The following AFF2 variants were observed in gnomAD, a reference collection of about 807,000 sequenced individuals.
AFF2 encodes the protein AF4/FMR2 family member 2.
In AFF2, 14 loss-of-function variants were observed where a neutral mutation model predicts 76.9. The observed-to-expected ratio is 0.18, with a 90% CI of 0.12 to 0.28. AFF2 has a LOEUF of 0.28. Ranked by LOEUF, AFF2 falls within the 10% of genes least tolerant of loss-of-function variation. The probability of loss-of-function intolerance (pLI) is 1.00; values close to 1 mark genes in which losing one functional copy is unlikely to be tolerated. For synonymous variants in AFF2, 398 were observed against 366.7 expected, an observed-to-expected ratio of 1.09 and a Z score of -0.98; for missense variants, 868 against 1,001.1, an observed-to-expected ratio of 0.87 and a Z score of 1.79.
intron 1 of AFF2, among the ~76,000 whole-genome samples, chrX:148,516,593 C>G (rs782457450): frequency 2.8e-4 from 31 of 111,894 alleles, no homozygotes; most frequent in Non-Finnish European, 5.1e-4. Flanking sequence ...GAACACTTTC[C>G]ATACATAAAC....
At chrX:148,643,678 G>A (rs1195911499) in intron 1 of AFF2, among the ~76,000 whole-genome samples, 5 of 111,772 alleles carry the variant, frequency 4.5e-5, no homozygotes, top group Non-Finnish European at 9.4e-5. Context: ...GCATATGGAA[G>A]AGGACAAGGA....
intron 7 of AFF2, among the ~76,000 whole-genome samples, chrX:148,873,676 G>C (rs1224180316): frequency 4.5e-5 from 5 of 110,725 alleles, no homozygotes; most frequent in Non-Finnish European, 7.6e-5. Flanking sequence ...AGCGCACTTA[G>C]AGAAATGAAT....
At chrX:148,798,081 G>C (rs1048454717) in intron 3 of AFF2, among the ~76,000 whole-genome samples, 4 of 112,052 alleles carry the variant, frequency 3.6e-5, no homozygotes, top group African/African-American at 1.3e-4. Flanking sequence ...ATATCAAGAT[G>C]TCAGCATCTG....
chrX:148,504,774 A>C (rs1168019610), intron 1 of AFF2, among the ~76,000 whole-genome samples: 1 of 112,342 alleles, frequency 8.9e-6, no homozygotes, highest in Non-Finnish European at 1.9e-5. Context: ...TCTAGACAAA[A>C]GTGAACTGTT....
chrX:148,555,557 G>A (rs999150004), intron 1 of AFF2, among the ~76,000 whole-genome samples: 9 of 112,043 alleles, frequency 8.0e-5, no homozygotes. Flanking sequence ...TCTGCTTCCT[G>A]GTTTGAGCAT....
At chrX:148,801,263 T>C (rs782363567) in intron 3 of AFF2, among the ~76,000 whole-genome samples, 7 of 111,900 alleles carry the variant, frequency 6.3e-5, no homozygotes, top group Non-Finnish European at 1.3e-4. Context: ...TTCTTCCAAA[T>C]CATCAGAGCT....
In AFF2 at chrX:148,673,308, C is replaced by T. The variant is rs374900584; in HGVS notation, c.1041+10540C>T. On this transcript the variant is annotated intron_variant, in intron 3 of 20. Coordinates refer to ENST00000370460, the MANE Select transcript of AFF2 (RefSeq NM_002025.4). ...AAAACAAGAGATTTATTTGCTCACA[C>T]TTCTGGAGACCAGGAGTCCAAAAAG... Among the ~76,000 whole-genome samples, 12 of 112,207 alleles carry T rather than the reference C, an allele frequency of 1.1e-4. No individual in the cohort carries two copies. The East Asian group carries it at 3.1e-3, about 29-fold the overall frequency.
chrX:148,587,917 ATG>A (rs2053484265), intron 1 of AFF2, among the ~76,000 whole-genome samples: 1 of 112,528 alleles, frequency 8.9e-6, no homozygotes, highest in Non-Finnish European at 1.9e-5. Context: ...CCCGTAGTAG[ATG>A]TCACATGTAG....
At chrX:148,935,584 T>G (rs2071765399) in intron 9 of AFF2, among the ~76,000 whole-genome samples, 1 of 111,507 alleles carries the variant, frequency 9.0e-6, no homozygotes, top group Non-Finnish European at 1.9e-5. Flanking sequence ...TTCCTGAAGC[T>G]CTCAGCGGAC....
chrX:148,610,579 T>G (rs1431463902), intron 1 of AFF2, among the ~76,000 whole-genome samples: 7 of 111,949 alleles, frequency 6.3e-5, no homozygotes, highest in African/African-American at 2.3e-4. Flanking sequence ...GTTGTGTAGC[T>G]GCATCTTTTT....
chrX:148,567,976 C>G (rs1407813839), intron 1 of AFF2, among the ~76,000 whole-genome samples: 1 of 110,775 alleles, frequency 9.0e-6, no homozygotes, highest in Non-Finnish European at 1.9e-5. Context: ...GAGCTGGAGT[C>G]AGAGACCCAC....
At chrX:148,654,256 A>T (rs1557256754) in intron 2 of AFF2, among the ~76,000 whole-genome samples, 1 of 111,664 alleles carries the variant, frequency 9.0e-6, no homozygotes, top group Non-Finnish European at 1.9e-5. Flanking sequence ...GAAAGGTAAG[A>T]ACTTTAAAGT....
At chrX:148,778,360 G>A (rs1227765604) in intron 3 of AFF2, among the ~76,000 whole-genome samples, 4 of 111,721 alleles carry the variant, frequency 3.6e-5, no homozygotes, top group African/African-American at 1.3e-4. Flanking sequence ...GATGATGACG[G>A]TGTCATAGAA....
intron 1 of AFF2, among the ~76,000 whole-genome samples, chrX:148,581,104 T>G (rs1259686698): frequency 1.9e-5 from 2 of 102,681 alleles, no homozygotes; most frequent in Admixed American, 2.1e-4. Context: ...TATGTATATA[T>G]ACACATACGT....
chrX:148,714,820 T>A (rs1373987686), intron 3 of AFF2, among the ~76,000 whole-genome samples: 1 of 111,667 alleles, frequency 9.0e-6, no homozygotes, highest in African/African-American at 3.3e-5. Context: ...ACAGAGTAAA[T>A]GCTTACTGCA....
chrX:148,929,434 G>A (rs1557284128), intron 9 of AFF2, among the ~76,000 whole-genome samples: 1 of 112,264 alleles, frequency 8.9e-6, no homozygotes, highest in African/African-American at 3.2e-5. Flanking sequence ...ATATCATTAG[G>A]AAACCTGACA....
At chrX:148,523,986 A>C (rs1036345357) in intron 1 of AFF2, among the ~76,000 whole-genome samples, 1 of 111,180 alleles carries the variant, frequency 9.0e-6, no homozygotes, top group African/African-American at 3.3e-5. Flanking sequence ...TATGATTCTC[A>C]TTCAAAGCCT....
chrX:148,531,819 T>G (rs2052733079), intron 1 of AFF2, among the ~76,000 whole-genome samples: 1 of 112,338 alleles, frequency 8.9e-6, no homozygotes, highest in Non-Finnish European at 1.9e-5. Context: ...TTTCCTCAGC[T>G]TTTATTTTTA....
chrX:148,700,825 G>A (rs2054781178), intron 3 of AFF2, among the ~76,000 whole-genome samples: 1 of 111,144 alleles, frequency 9.0e-6, no homozygotes, highest in Non-Finnish European at 1.9e-5. Context: ...TAATTGGCAA[G>A]CAAATGTCCT....
Sources: gnomAD v4.1 joint callset for allele counts (sites outside exome capture counted in the v4.1 genomes callset) on GRCh38, gnomAD v4.1.1 for gene constraint, MANE v1.5 for transcripts, NCBI Gene and HGNC (gene_info 2026-07-23, HGNC 2026-07-21) for gene names.